AKAP9: variants seen among roughly 807,000 people sequenced by gnomAD.
AKAP9 encodes the protein A-kinase anchor protein 9.
Under a neutral mutation model 488.5 loss-of-function variants are expected in AKAP9, and 311 were observed. The observed-to-expected ratio is 0.64, with a 90% confidence interval of 0.58 to 0.70. AKAP9 has a LOEUF of 0.70. Ranked by LOEUF, AKAP9 falls within the 30% of genes least tolerant of loss-of-function variation. The pLI is 0.00. For synonymous variants in AKAP9, 1,462 were observed against 1,483.5 expected (o/e 0.99, Z 0.33); for missense variants, 4,215 against 4,374.5 (o/e 0.96, Z 1.03).
At chr7:92,046,465 G>C (rs1242316236) in intron 21 of AKAP9, among the ~76,000 whole-genome samples, 1 of 152,214 alleles carries the variant, frequency 6.6e-6, no homozygotes, top group Non-Finnish European at 1.5e-5. Context: ...TTGGCCAGTA[G>C]TGTGTTTCTA....
At chr7:92,084,617 T>A in intron 33 of AKAP9, 23 bp from the exon 34 acceptor site, 1 of 1,576,574 alleles carries the variant, frequency 6.3e-7, no homozygotes, top group Non-Finnish European at 8.7e-7. Flanking sequence ...AAAATATATG[T>A]ACTTTTTGTT....
intron 26 of AKAP9, among the ~76,000 whole-genome samples, chr7:92,069,431 A>G (rs993492927): frequency 2.0e-5 from 3 of 152,168 alleles, no homozygotes; most frequent in East Asian, 1.9e-4. Context: ...GTGTTGCTTA[A>G]TTTTTTCAAC....
At chr7:91,975,740 C>T (rs997134953) in intron 2 of AKAP9, among the ~76,000 whole-genome samples, 8 of 151,732 alleles carry the variant, frequency 5.3e-5, no homozygotes. Flanking sequence ...TTTTTTTAAC[C>T]ATTGAGTTTT....
At chr7:92,105,890 A>G (rs1297220717) in intron 47 of AKAP9, 127 bp downstream of exon 47, 2 of 840,780 alleles carry the variant, frequency 2.4e-6, no homozygotes, top group African/African-American at 3.4e-5. Context: ...GCAGGTGAGC[A>G]GCGGGCATTA....
chr7:92,065,879 G>A (rs1810687455), intron 25 of AKAP9, among the ~76,000 whole-genome samples: 1 of 152,130 alleles, frequency 6.6e-6, no homozygotes, highest in African/African-American at 2.4e-5. Flanking sequence ...CAGTGGTCAT[G>A]CTGCCATTAC....
At position 92,098,243 on chromosome 7, in the gene AKAP9, G is replaced by A. The variant is rs755968335; in HGVS notation, c.10713+29G>A. 8 of 1,332,674 alleles carry A rather than the reference G, an allele frequency of 6.0e-6. No homozygotes were observed. The Admixed American group carries it at 1.4e-4, about 23-fold the overall frequency. 82.6% of individuals were successfully genotyped at this position (1,332,674 alleles called of 1,614,324 possible). On this transcript the variant is annotated intron_variant, in intron 43 of 49. Coordinates refer to ENST00000356239, the MANE Select transcript of AKAP9 (RefSeq NM_005751.5). Reference sequence around the variant, plus strand: ...ATACTTTTTAAAAGTTATTTCTGAAGCATTGAGAGCAAAGATTTAATAGAA... The same window carrying A: ...ATACTTTTTAAAAGTTATTTCTGAAACATTGAGAGCAAAGATTTAATAGAA...
intron 8 of AKAP9, among the ~76,000 whole-genome samples, chr7:92,004,491 G>A (rs191760260): frequency 2.0e-5 from 3 of 151,950 alleles, no homozygotes; most frequent in Non-Finnish European, 4.4e-5. Context: ...CTTTTATTTC[G>A]TTGAGCAGTC....
In AKAP9 at chr7:92,043,444, C is replaced by G. The variant is rs1256706271; in HGVS notation, c.5162+673C>G. ...TTTGTTTATTTTATATTATTTATCT[C>G]TAATTGGTAAATTTTGAAAACTATG... On this transcript the variant is annotated intron_variant, in intron 20 of 49. Coordinates refer to ENST00000356239, the MANE Select transcript of AKAP9 (RefSeq NM_005751.5). The G allele has an allele frequency of 4.7e-6, 3 of 638,120 alleles. No individual in the cohort carries two copies. In the African/African-American group the frequency reaches 6.0e-5, roughly 13 times the overall value. 39.5% of individuals were successfully genotyped at this position (638,120 alleles called of 1,614,324 possible). A position where few individuals can be genotyped will look rare whatever the true frequency, so the allele number is the denominator to read the frequency against.
intron 2 of AKAP9, among the ~76,000 whole-genome samples, chr7:91,977,659 C>T (rs1487227271): frequency 6.6e-6 from 1 of 152,214 alleles, no homozygotes; most frequent in African/African-American, 2.4e-5. Flanking sequence ...TTTTCTTGTG[C>T]ATAGACTATC....
At chr7:91,983,413 G>T (rs184420237) in intron 3 of AKAP9, among the ~76,000 whole-genome samples, 5 of 152,268 alleles carry the variant, frequency 3.3e-5, no homozygotes, top group African/African-American at 1.2e-4. Context: ...AGTATTCCAT[G>T]GTGTATATGT....
intron 22 of AKAP9, among the ~76,000 whole-genome samples, chr7:92,058,566 C>G (rs563616825): frequency 9.9e-5 from 15 of 152,066 alleles, no homozygotes; most frequent in Admixed American, 8.5e-4. Flanking sequence ...GGTCTGAGTT[C>G]CAACTTGGCT....
chr7:92,071,133 C>T, intron 28 of AKAP9, 124 bp downstream of exon 28: 1 of 871,820 alleles, frequency 1.1e-6, no homozygotes, highest in Non-Finnish European at 1.9e-6. Context: ...TGTTTCTCAG[C>T]TCAATGCCAA....
chr7:91,962,389 T>A lies in AKAP9; in HGVS notation c.49-11322T>A, dbSNP rs6964850. On this transcript the variant is annotated intron_variant, in intron 1 of 49. Transcript: ENST00000356239. ...AGATTATAATTTTTTGTGTTTTAAT[T>A]CATTTAATAAGTAACTAGAAATTTG... Among the ~76,000 whole-genome samples, 382 of 152,308 alleles carry A rather than the reference T, an allele frequency of 2.5e-3. 1 individual carries two copies. Among genetic ancestry groups the A allele is most frequent in the African/African-American group, 8.7e-3 (360 of 41,582 alleles).
At chr7:92,101,137 C>T in intron 45 of AKAP9, 81 bp downstream of exon 45, 1 of 1,414,854 alleles carries the variant, frequency 7.1e-7, no homozygotes, top group Non-Finnish European at 9.6e-7. Context: ...CTTAAATAAA[C>T]AGTCTAAAGA....
At chr7:91,965,056 T>C (rs1271342108) in intron 1 of AKAP9, among the ~76,000 whole-genome samples, 2 of 152,200 alleles carry the variant, frequency 1.3e-5, no homozygotes, top group African/African-American at 2.4e-5. Context: ...ATTCAAATTA[T>C]TTTATTCTAG....
At chr7:91,950,051 G>A (rs1414543510) in intron 1 of AKAP9, among the ~76,000 whole-genome samples, 1 of 152,056 alleles carries the variant, frequency 6.6e-6, no homozygotes, top group East Asian at 1.9e-4. Flanking sequence ...GTCCTAATCT[G>A]TAAAGATTGA....
rs543861504 is a variant in AKAP9, at chr7:92,087,894, T to TATAA, written c.9214-1479_9214-1476dup. Reference sequence around the variant, plus strand: ...ACTGATATAAATAAATAAATATATATATAAATAAATAAATAGTATTACCAT... The same window carrying TATAA: ...ACTGATATAAATAAATAAATATATATATAAATAAATAAATAAATAGTATTACCAT... On this transcript the variant is annotated intron_variant, in intron 37 of 49. Coordinates refer to ENST00000356239, the MANE Select transcript of AKAP9 (RefSeq NM_005751.5). Among the ~76,000 whole-genome samples, 5 of 150,610 alleles carry TATAA rather than the reference T, an allele frequency of 3.3e-5. No individual in the cohort carries two copies. In the East Asian group the frequency reaches 7.7e-4, roughly 23 times the overall value.
intron 16 of AKAP9, among the ~76,000 whole-genome samples, chr7:92,037,875 C>G (rs1457796757): frequency 2.0e-5 from 3 of 152,144 alleles, no homozygotes; most frequent in Non-Finnish European, 4.4e-5. Flanking sequence ...ATTTAATAAA[C>G]TTATACTACA....
intron 7 of AKAP9, chr7:91,996,151 T>G (rs1019914055): frequency 3.6e-6 from 1 of 277,160 alleles, no homozygotes; most frequent in African/African-American, 2.2e-5. Flanking sequence ...TGGATTTTAA[T>G]GAGAAAAAAA....
Sources: gnomAD v4.1 joint callset for allele counts (sites outside exome capture counted in the v4.1 genomes callset) on GRCh38, gnomAD v4.1.1 for gene constraint, MANE v1.5 for transcripts, NCBI Gene and HGNC (gene_info 2026-07-23, HGNC 2026-07-21) for gene names.